The following NLGN1 variants were observed in gnomAD, a reference collection of about 807,000 sequenced individuals.
The protein encoded by NLGN1 is neuroligin-1.
A neutral mutation model predicts 65.5 loss-of-function variants in NLGN1; 12 were observed. That is an observed-to-expected ratio of 0.18 (90% CI 0.12 to 0.30). NLGN1 has a LOEUF of 0.30. NLGN1 is among the 10% of genes least tolerant of loss of function. NLGN1 has a pLI of 1.00. For missense variants in NLGN1, 750 were observed against 1,007.1 expected (o/e 0.74, Z 3.46); for synonymous variants, 350 against 359.5 (o/e 0.97, Z 0.30).
intron 3 of NLGN1, among the ~76,000 whole-genome samples, chr3:173,661,432 A>T (rs916742891): frequency 2.6e-5 from 4 of 151,966 alleles, no homozygotes; most frequent in African/African-American, 4.8e-5. Flanking sequence ...GTCTGACTTC[A>T]AAGTCCAGGT....
intron 3 of NLGN1, among the ~76,000 whole-genome samples, chr3:173,638,210 C>A (rs1756894218): frequency 1.3e-5 from 2 of 148,460 alleles, no homozygotes; most frequent in Non-Finnish European, 1.5e-5. Context: ...TTTTATGTAG[C>A]CATAAAGGTG....
At chr3:173,650,491 C>T (rs1397955357) in intron 3 of NLGN1, among the ~76,000 whole-genome samples, 2 of 152,092 alleles carry the variant, frequency 1.3e-5, no homozygotes, top group African/African-American at 4.8e-5. Context: ...ACCTGACTCC[C>T]GCCTATGTAT....
intron 5 of NLGN1, among the ~76,000 whole-genome samples, chr3:174,277,357 A>C (rs1750773373): frequency 6.6e-6 from 1 of 151,946 alleles, no homozygotes; most frequent in South Asian, 2.1e-4. Flanking sequence ...ATATGATAAA[A>C]CAAACATACA....
intron 3 of NLGN1, among the ~76,000 whole-genome samples, chr3:173,771,492 A>G (rs1464899904): frequency 2.0e-5 from 3 of 152,204 alleles, no homozygotes; most frequent in Non-Finnish European, 4.4e-5. Context: ...ATAGCAAGAT[A>G]AACTCACTTA....
chr3:174,230,876 G>T (rs1740581286), intron 4 of NLGN1, among the ~76,000 whole-genome samples: 1 of 152,112 alleles, frequency 6.6e-6, no homozygotes, highest in Admixed American at 6.6e-5. Flanking sequence ...ATTGTAAATG[G>T]CTTTAATGGT....
At chr3:174,231,957 G>C (rs903352272) in intron 4 of NLGN1, among the ~76,000 whole-genome samples, 2 of 152,156 alleles carry the variant, frequency 1.3e-5, no homozygotes, top group Admixed American at 6.5e-5. Context: ...ATAGTCATCT[G>C]TTCTGTGAAA....
intron 3 of NLGN1, among the ~76,000 whole-genome samples, chr3:173,789,289 C>T (rs1712099044): frequency 1.3e-5 from 2 of 152,042 alleles, no homozygotes; most frequent in African/African-American, 4.8e-5. Flanking sequence ...GTGAAGTGTG[C>T]ATGCACTTTT....
intron 4 of NLGN1, among the ~76,000 whole-genome samples, chr3:174,195,333 T>A (rs997155552): frequency 6.6e-6 from 1 of 152,216 alleles, no homozygotes; most frequent in African/African-American, 2.4e-5. Context: ...TTGAAAAATA[T>A]GTTTGATGAT....
chr3:173,722,060 AC>A (rs1289169429), intron 3 of NLGN1, among the ~76,000 whole-genome samples: 1 of 152,120 alleles, frequency 6.6e-6, no homozygotes, highest in Non-Finnish European at 1.5e-5. Context: ...ATGGAGAAAC[AC>A]CTTACATGAT....
intron 4 of NLGN1, among the ~76,000 whole-genome samples, chr3:174,146,053 T>C (rs1723160092): frequency 6.6e-6 from 1 of 152,196 alleles, no homozygotes; most frequent in Non-Finnish European, 1.5e-5. Flanking sequence ...TATTAATATA[T>C]GCATGTACCT....
chr3:173,755,771 A>T (rs1252955402), intron 3 of NLGN1, among the ~76,000 whole-genome samples: 1 of 152,086 alleles, frequency 6.6e-6, no homozygotes, highest in Non-Finnish European at 1.5e-5. Flanking sequence ...CCTCTAGCAC[A>T]CTCAAGAACC....
downstream of NLGN1, among the ~76,000 whole-genome samples, chr3:174,287,595 A>G (rs1393213979): frequency 6.6e-6 from 1 of 151,562 alleles, no homozygotes; most frequent in African/African-American, 2.4e-5. Flanking sequence ...GTGAATGTTC[A>G]TGTGAAAGCA....
chr3:173,608,105 T>G (rs1751673882), intron 3 of NLGN1, among the ~76,000 whole-genome samples: 1 of 151,870 alleles, frequency 6.6e-6, no homozygotes, highest in Non-Finnish European at 1.5e-5. Context: ...TTGTTGTGTA[T>G]AAAAGAAAAG....
intron 3 of NLGN1, among the ~76,000 whole-genome samples, chr3:173,794,405 A>T (rs540006953): frequency 2.6e-5 from 4 of 152,146 alleles, no homozygotes; most frequent in Non-Finnish European, 5.9e-5. Flanking sequence ...ATGACAGAAT[A>T]TTGCAACCAT....
chr3:174,154,296 TAG>T (rs1466964320), intron 4 of NLGN1, among the ~76,000 whole-genome samples: 1 of 150,734 alleles, frequency 6.6e-6, no homozygotes, highest in Non-Finnish European at 1.5e-5. Context: ...TTTAGGGTGA[TAG>T]TATAAATATA....
chr3:173,465,527 GC>G (rs1724200255), intron 2 of NLGN1, among the ~76,000 whole-genome samples: 5 of 152,274 alleles, frequency 3.3e-5, no homozygotes, highest in African/African-American at 1.2e-4. Flanking sequence ...TTGATGTAAA[GC>G]CTATGTTTTT....
chr3:174,294,014 G>A, the NLGN1 span, among the ~76,000 whole-genome samples: 2 of 151,366 alleles, frequency 1.3e-5, no homozygotes, highest in Non-Finnish European at 3.0e-5. Flanking sequence ...AGAAAGTTTG[G>A]AAAAAGCATA....
At chr3:173,812,809 A>G (rs1475165169) in intron 4 of NLGN1, among the ~76,000 whole-genome samples, 1 of 147,646 alleles carries the variant, frequency 6.8e-6, no homozygotes, top group Non-Finnish European at 1.5e-5. Flanking sequence ...ATATATATAT[A>G]TATAAAACTT....
intron 2 of NLGN1, among the ~76,000 whole-genome samples, chr3:173,501,883 T>TC: frequency 6.6e-6 from 1 of 152,182 alleles, no homozygotes; most frequent in Admixed American, 6.6e-5. Context: ...TTGGAAAGAC[T>TC]CCAAGTTGTT....
Sources: allele counts gnomAD v4.1 joint callset (sites outside exome capture counted in the v4.1 genomes callset), GRCh38; gene constraint gnomAD v4.1.1; transcripts MANE v1.5; gene names NCBI Gene and HGNC (gene_info 2026-07-23, HGNC 2026-07-21).